Variants in SKP1 observed in about 807,000 individuals in gnomAD.
SKP1 encodes S-phase kinase associated protein 1, also known as S-phase kinase-associated protein 1.
A neutral mutation model predicts 21.5 loss-of-function variants in SKP1; 1 was observed. The ratio of observed to expected loss-of-function variants is 0.05; its 90% CI spans 0.02 to 0.22. The LOEUF (loss-of-function observed/expected upper bound fraction) is 0.22. Ranked by LOEUF, SKP1 falls within the 10% of genes least tolerant of loss-of-function variation. The pLI is 1.00. For synonymous variants in SKP1, 59 were observed against 59.3 expected (o/e 0.99, Z 0.03); for missense variants, 70 against 192.0 (o/e 0.36, Z 3.76).
At chr5:134,165,812 G>C (rs1362415993) in intron 3 of SKP1, among the ~76,000 whole-genome samples, 2 of 150,346 alleles carry the variant, frequency 1.3e-5, no homozygotes, top group Admixed American at 6.6e-5. Flanking sequence ...CTTGAACCTG[G>C]AAAGTGGAGG....
In SKP1 at chr5:134,149,516, T is replaced by C. The variant is rs1761007251; in HGVS notation, c.*8217A>G. The stretch of plus-strand genomic sequence containing the variant: ...ATTGTCACTCCACTGAGTTCTATTT[T>C]TTGGATTTTGTGTTTAAAGTATAAA... On this transcript the variant is annotated 3_prime_UTR_variant, in exon 6 of 6. Transcript: ENST00000353411. 1.3e-5 allele frequency: 2 copies of C among 152,192 alleles called. No individual in the cohort carries two copies. The highest frequency in any genetic ancestry group is 4.8e-5 in the African/African-American group (2 of 41,448). The allele number at this position is 152,192 out of a possible 1,614,324, so 9.4% of individuals were successfully genotyped here.
intron 3 of SKP1, chr5:134,161,510 A>T (rs895990579): frequency 6.4e-6 from 1 of 156,592 alleles, no homozygotes; most frequent in Non-Finnish European, 1.4e-5. Context: ...CAATAAATGA[A>T]ATCTGAATAG....
intron 1 of SKP1, chr5:134,176,481 C>T (rs1021902181): frequency 9.2e-5 from 14 of 152,524 alleles, no homozygotes; most frequent in African/African-American, 3.4e-4. Flanking sequence ...GCCGCCACCC[C>T]CGCCCTGGTC....
Position 134,173,743 on chromosome 5 carries a change from T to C in SKP1, c.97+183A>G, listed in dbSNP as rs1253822144. The C allele has an allele frequency of 1.0e-5, 7 of 685,874 alleles. No individual in the cohort carries two copies. In the Admixed American group the frequency reaches 1.2e-4, roughly 12 times the overall value. The allele number at this position is 685,874 out of a possible 1,614,324, so 42.5% of individuals were successfully genotyped here. ...TTAATGAGAGAACGACCCTCACTAA[T>C]TCAGACAATGCAGAAAGGATGACCT... On this transcript the variant is annotated intron_variant, in intron 2 of 5. Transcript: ENST00000353411.
At position 134,176,916 on chromosome 5, in the gene SKP1, A is replaced by C. The variant is rs561945141; in HGVS notation, c.-62T>G. 9.5e-4 allele frequency: 146 copies of C among 152,932 alleles called. No homozygotes were observed. The highest frequency in any genetic ancestry group is 3.4e-3 in the African/African-American group (142 of 41,596). 9.5% of individuals were successfully genotyped at this position (152,932 alleles called of 1,614,324 possible). A position where few individuals can be genotyped will look rare whatever the true frequency, so the allele number is the denominator to read the frequency against. On this transcript the variant is annotated 5_prime_UTR_variant, in exon 1 of 6. Transcript: ENST00000353411. ...GACGAGAGCCGGGAGGCGTTAGCGA[A>C]GGAAGAGAAAAACCGAAGACGAAGC...
rs376289003 is a variant in SKP1 at position 134,160,930 on chromosome 5, C to T, written c.315+57G>A. 121 of 1,232,348 alleles carry T rather than the reference C, an allele frequency of 9.8e-5. 1 individual carries two copies. The highest frequency in any genetic ancestry group is 7.7e-4 in the African/African-American group (51 of 66,092). 76.3% of individuals were successfully genotyped at this position (1,232,348 alleles called of 1,614,324 possible). A position where few individuals can be genotyped will look rare whatever the true frequency, so the allele number is the denominator to read the frequency against. ...GTCAATGAAGTTAGCAAATTTAAAT[C>T]TATAAGAAGTGTTTAAAGGCTCTAG... On this transcript the variant is annotated intron_variant, in intron 4 of 5. Coordinates refer to ENST00000353411, the MANE Select transcript of SKP1 (RefSeq NM_170679.3).
At chr5:134,175,093 T>G (rs1761514118) in intron 1 of SKP1, 1 of 152,210 alleles carries the variant, frequency 6.6e-6, no homozygotes, top group Non-Finnish European at 1.5e-5. Context: ...TTCCCAAAAG[T>G]GTATCATTTG....
rs923004703 is a variant in SKP1 at position 134,149,615 on chromosome 5, A to C, written c.*8118T>G. 6.6e-6 allele frequency: 1 copy of C among 152,240 alleles called. No individual in the cohort carries two copies. Among genetic ancestry groups the C allele is most frequent in the African/African-American group, 2.4e-5 (1 of 41,464 alleles). The allele number at this position is 152,240 out of a possible 1,614,324, so 9.4% of individuals were successfully genotyped here. On this transcript the variant is annotated 3_prime_UTR_variant, in exon 6 of 6. Coordinates refer to ENST00000353411, the MANE Select transcript of SKP1 (RefSeq NM_170679.3). Reference sequence around the variant, plus strand: ...AACCCCAGACTTGCTTTTGCTTCTGAGAGAGTGCTAGAGGACACTAGCCAT... The same window carrying C: ...AACCCCAGACTTGCTTTTGCTTCTGCGAGAGTGCTAGAGGACACTAGCCAT...
chr5:134,159,356 C>G (rs1344008829), intron 4 of SKP1, among the ~76,000 whole-genome samples: 2 of 152,108 alleles, frequency 1.3e-5, no homozygotes, highest in Non-Finnish European at 2.9e-5. Flanking sequence ...AGAAGACATA[C>G]TTTGTATGAC....
At chr5:134,161,756 A>C (rs1026548401) in intron 3 of SKP1, 7 of 152,222 alleles carry the variant, frequency 4.6e-5, no homozygotes, top group African/African-American at 1.7e-4. Context: ...TACCCTAGAC[A>C]CATGTGTGAG....
At chr5:134,167,109 G>A in intron 3 of SKP1, 61 bp downstream of exon 3, 1 of 798,458 alleles carries the variant, frequency 1.3e-6, no homozygotes, top group Admixed American at 2.3e-5. Flanking sequence ...TGAATTACTT[G>A]TATTAATCAA....
intron 2 of SKP1, among the ~76,000 whole-genome samples, chr5:134,171,719 T>G (rs1761443462): frequency 6.6e-6 from 1 of 152,248 alleles, no homozygotes; most frequent in Non-Finnish European, 1.5e-5. Flanking sequence ...TTCAGAATGA[T>G]CTCCCAAAAC....
intron 3 of SKP1, among the ~76,000 whole-genome samples, chr5:134,166,200 G>A (rs1245897527): frequency 2.0e-5 from 3 of 150,762 alleles, no homozygotes; most frequent in Non-Finnish European, 1.5e-5. Context: ...AAAAAAAGAT[G>A]CTATATATTA....
chr5:134,170,466 C>T (rs905185017), intron 2 of SKP1, among the ~76,000 whole-genome samples: 1 of 152,196 alleles, frequency 6.6e-6, no homozygotes, highest in Non-Finnish European at 1.5e-5. Flanking sequence ...ACTAATCATT[C>T]AATCCACATG....
intron 2 of SKP1, chr5:134,173,722 TGA>T: frequency 3.0e-6 from 2 of 665,506 alleles, no homozygotes; most frequent in Non-Finnish European, 5.6e-6. Context: ...ATCCATTTAA[TGA>T]GAGAACGACC....
chr5:134,163,822 A>C (rs1240351459), intron 3 of SKP1, among the ~76,000 whole-genome samples: 2 of 151,920 alleles, frequency 1.3e-5, no homozygotes, highest in African/African-American at 2.4e-5. Flanking sequence ...AAAAAACCCC[A>C]AAAACCAAGC....
rs1761069011 is a variant in SKP1, at chr5:134,153,071, T to G, written c.*4662A>C. 1 of 152,228 alleles carries G rather than the reference T, an allele frequency of 6.6e-6. No individual in the cohort carries two copies. The highest frequency in any genetic ancestry group is 1.5e-5 in the Non-Finnish European group (1 of 68,040). The allele number at this position is 152,228 out of a possible 1,614,324, so 9.4% of individuals were successfully genotyped here. A position where few individuals can be genotyped will look rare whatever the true frequency, so the allele number is the denominator to read the frequency against. ...TAGCTTAAAAAGTTATAGACTGGTT[T>G]CAAATCCAGATAATTGAAGATTAAC... is the stretch of plus-strand genomic sequence containing the variant. On this transcript the variant is annotated 3_prime_UTR_variant, in exon 6 of 6. Coordinates refer to ENST00000353411, the MANE Select transcript of SKP1 (RefSeq NM_170679.3).
rs1761025721 is a variant in SKP1, at chr5:134,150,257, G to C, written c.*7476C>G. ...CTCTTCTGACATGTAATTATCTTTTGAATGGCTCCTGTGGTCTCCCATTCC... is the reference window on the plus strand; with the variant it reads ...CTCTTCTGACATGTAATTATCTTTTCAATGGCTCCTGTGGTCTCCCATTCC... On this transcript the variant is annotated 3_prime_UTR_variant, in exon 6 of 6. Transcript: ENST00000353411. The C allele has an allele frequency of 6.6e-6, 1 of 152,186 alleles. No homozygotes were observed. Among genetic ancestry groups the C allele is most frequent in the South Asian group, 2.1e-4 (1 of 4,824 alleles). The allele number at this position is 152,186 out of a possible 1,614,324, so 9.4% of individuals were successfully genotyped here. A position where few individuals can be genotyped will look rare whatever the true frequency, so the allele number is the denominator to read the frequency against.
intron 2 of SKP1, chr5:134,173,304 G>A (rs1335082717): frequency 5.8e-6 from 1 of 171,762 alleles, no homozygotes; most frequent in Admixed American, 5.7e-5. Context: ...CGCACTTCAG[G>A]TTGGGCAACA....
Sources: allele counts gnomAD v4.1 joint callset (sites outside exome capture counted in the v4.1 genomes callset), GRCh38; gene constraint gnomAD v4.1.1; transcripts MANE v1.5; gene names NCBI Gene and HGNC (gene_info 2026-07-23, HGNC 2026-07-21).